GRID1: variants seen among roughly 807,000 people sequenced by gnomAD.
The protein encoded by GRID1 is glutamate ionotropic receptor delta type subunit 1.
A neutral mutation model predicts 98.0 loss-of-function variants in GRID1; 28 were observed. The observed-to-expected ratio is 0.29, with a 90% CI of 0.21 to 0.39. GRID1 has a LOEUF of 0.39. GRID1 is among the 10% of genes least tolerant of loss of function. The probability of loss-of-function intolerance (pLI) is 1.00; values close to 1 mark genes in which losing one functional copy is unlikely to be tolerated. For synonymous variants in GRID1, 553 were observed against 538.5 expected, an observed-to-expected ratio of 1.03 and a Z score of -0.37; for missense variants, 1,111 against 1,340.5, an observed-to-expected ratio of 0.83 and a Z score of 2.67.
intron 14 of GRID1, among the ~76,000 whole-genome samples, chr10:85,614,215 A>G (rs896665601): frequency 1.1e-4 from 16 of 152,216 alleles, no homozygotes; most frequent in African/African-American, 3.9e-4. Flanking sequence ...AATTAGCTCA[A>G]TCAAAGTGCA....
intron 2 of GRID1, among the ~76,000 whole-genome samples, chr10:86,220,804 C>T (rs1846241778): frequency 6.6e-5 from 10 of 152,202 alleles, no homozygotes; most frequent in Admixed American, 6.5e-4. Context: ...AGCACACAGC[C>T]TCTGAAGTTG....
intron 6 of GRID1, among the ~76,000 whole-genome samples, chr10:85,857,650 G>A (rs1357652308): frequency 6.6e-6 from 1 of 152,158 alleles, no homozygotes; most frequent in East Asian, 1.9e-4. Flanking sequence ...AGCCAAAGTG[G>A]GTCAAGGGGA....
At chr10:85,922,914 C>T (rs1447852719) in intron 4 of GRID1, among the ~76,000 whole-genome samples, 8 of 152,076 alleles carry the variant, frequency 5.3e-5, no homozygotes, top group East Asian at 1.9e-4. Context: ...CTTGGAAAAA[C>T]GTCCCAAGAT....
At chr10:85,882,924 T>C (rs1220887750) in intron 5 of GRID1, among the ~76,000 whole-genome samples, 1 of 152,174 alleles carries the variant, frequency 6.6e-6, no homozygotes, top group Non-Finnish European at 1.5e-5. Context: ...TTTTAATTTT[T>C]ACTCTGTTTC....
intron 12 of GRID1, among the ~76,000 whole-genome samples, chr10:85,720,577 C>G (rs529332202): frequency 2.0e-5 from 3 of 150,370 alleles, no homozygotes; most frequent in Admixed American, 6.6e-5. Context: ...GGACGGATAG[C>G]CTTTTCAACA....
At chr10:85,694,550 GTATATATATATATATATATATATATATA>G (rs56344083) in intron 12 of GRID1, among the ~76,000 whole-genome samples, 27 of 92,842 alleles carry the variant, frequency 2.9e-4, no homozygotes, top group South Asian at 7.2e-4. Flanking sequence ...AATGTGGTGT[GTATATATATATATATATATATATATATA>G]TATATATATA....
intron 5 of GRID1, among the ~76,000 whole-genome samples, chr10:85,883,598 TC>T (rs369465767): frequency 1.3e-5 from 2 of 151,582 alleles, no homozygotes; most frequent in African/African-American, 4.8e-5. Context: ...TTTTTTTCCG[TC>T]ATGTACGTAA....
intron 4 of GRID1, among the ~76,000 whole-genome samples, chr10:86,036,479 A>C (rs1312170244): frequency 1.3e-5 from 2 of 152,192 alleles, no homozygotes; most frequent in Non-Finnish European, 2.9e-5. Context: ...CACTGTGACC[A>C]CATCGCCGTT....
chr10:85,671,536 C>T (rs182092181), intron 12 of GRID1, among the ~76,000 whole-genome samples: 73 of 151,998 alleles, frequency 4.8e-4, no homozygotes, highest in African/African-American at 1.6e-3. Context: ...ACTGACCAGC[C>T]GTTCCCTCAT....
At chr10:85,741,891 G>C (rs1175455163) in intron 8 of GRID1, among the ~76,000 whole-genome samples, 3 of 151,918 alleles carry the variant, frequency 2.0e-5, no homozygotes. Flanking sequence ...TAGGAACTTT[G>C]TGTATATCCT....
intron 2 of GRID1, among the ~76,000 whole-genome samples, chr10:86,238,586 C>T (rs1846577277): frequency 6.7e-6 from 1 of 149,000 alleles, no homozygotes; most frequent in South Asian, 2.1e-4. Flanking sequence ...AGGAGAATCA[C>T]TTGAACCTGG....
intron 8 of GRID1, among the ~76,000 whole-genome samples, chr10:85,844,767 T>C (rs1468086170): frequency 6.6e-6 from 1 of 151,936 alleles, no homozygotes; most frequent in Non-Finnish European, 1.5e-5. Flanking sequence ...ATTGGTGCAA[T>C]AAAGAGAAAT....
chr10:85,843,147 C>G lies in GRID1; in HGVS notation c.1233+11349G>C, dbSNP rs74725877. ...CAGAAATAGACCCACACAAATATGC[C>G]AAAATGATTTATGGCAAAGGTCCAA... On this transcript the variant is annotated intron_variant, in intron 8 of 15. Transcript: ENST00000327946. 4.0e-3 allele frequency among the ~76,000 whole-genome samples: 611 copies of G among 151,792 alleles called. 4 individuals carry two copies. Among genetic ancestry groups the G allele is most frequent in the African/African-American group, 0.014 (587 of 41,440 alleles).
Position 86,126,697 on chromosome 10 carries a change from T to G in GRID1, c.726+12122A>C, listed in dbSNP as rs141702731. 3.4e-3 allele frequency among the ~76,000 whole-genome samples: 515 copies of G among 152,338 alleles called. 3 individuals are homozygous for G. Among genetic ancestry groups the G allele is most frequent in the African/African-American group, 0.012 (487 of 41,584 alleles). On this transcript the variant is annotated intron_variant, in intron 4 of 15. Transcript: ENST00000327946. ...AGTTGGCCAACAAAGAGTTCAGAATTTTTGTAATTAGCTACAAACATTTAA... is the reference window on the plus strand; with the variant it reads ...AGTTGGCCAACAAAGAGTTCAGAATGTTTGTAATTAGCTACAAACATTTAA...
rs532123595 is a variant in GRID1, at chr10:86,082,971, C to T, written c.726+55848G>A. ...TTCTATTCCTGCAAGGAATTGTCTGCCTTTTCACTCCACTAGACCAAGAGT... is the reference window on the plus strand; with the variant it reads ...TTCTATTCCTGCAAGGAATTGTCTGTCTTTTCACTCCACTAGACCAAGAGT... On this transcript the variant is annotated intron_variant, in intron 4 of 15. Coordinates refer to ENST00000327946, the MANE Select transcript of GRID1 (RefSeq NM_017551.3). Among the ~76,000 whole-genome samples the T allele has an allele frequency of 7.2e-5, 11 of 152,316 alleles. No homozygotes were observed. In the South Asian group the frequency reaches 2.3e-3, roughly 32 times the overall value.
chr10:86,265,242 G>C (rs1315723138), intron 2 of GRID1, among the ~76,000 whole-genome samples: 1 of 151,580 alleles, frequency 6.6e-6, no homozygotes, highest in African/African-American at 2.4e-5. Flanking sequence ...CCACTTCTCT[G>C]ACGGCTCCCT....
chr10:86,222,148 C>G (rs1453599157), intron 2 of GRID1, among the ~76,000 whole-genome samples: 1 of 152,202 alleles, frequency 6.6e-6, no homozygotes. Flanking sequence ...GGCATCCTCC[C>G]AGGCCTAGAG....
At chr10:86,152,959 T>G (rs1360686447) in intron 3 of GRID1, among the ~76,000 whole-genome samples, 2 of 152,260 alleles carry the variant, frequency 1.3e-5, no homozygotes, top group Non-Finnish European at 2.9e-5. Context: ...TCGGGTTTAA[T>G]TTGTTTCCTC....
At chr10:85,765,860 C>T (rs1353284065) in intron 8 of GRID1, among the ~76,000 whole-genome samples, 2 of 152,228 alleles carry the variant, frequency 1.3e-5, no homozygotes, top group Middle Eastern at 3.2e-3. Flanking sequence ...GTAGGATCCA[C>T]TGTCAGAAAT....
Sources: allele counts gnomAD v4.1 joint callset (sites outside exome capture counted in the v4.1 genomes callset), GRCh38; gene constraint gnomAD v4.1.1; transcripts MANE v1.5; gene names NCBI Gene and HGNC (gene_info 2026-07-23, HGNC 2026-07-21).